The following TMEM143 variants were observed in gnomAD, a reference collection of about 807,000 sequenced individuals.
TMEM143 encodes transmembrane protein 143.
A neutral mutation model predicts 40.3 loss-of-function variants in TMEM143; 45 were observed. The ratio of observed to expected loss-of-function variants is 1.12; its 90% confidence interval spans 0.88 to 1.43. The LOEUF (loss-of-function observed/expected upper bound fraction) is 1.43. Ranked by LOEUF, TMEM143 falls within the 40% of genes most tolerant of loss-of-function variation. The probability of loss-of-function intolerance (pLI) is 0.00; values close to 1 mark genes in which losing one functional copy is unlikely to be tolerated. For missense variants in TMEM143, 620 were observed against 613.4 expected (o/e 1.01, Z -0.11); for synonymous variants, 299 against 282.7 (o/e 1.06, Z -0.58).
intron 6 of TMEM143, 34 bp from the exon 7 acceptor site, chr19:48,334,231 C>T (rs764237434): frequency 1.0e-4 from 161 of 1,554,440 alleles, no homozygotes; most frequent in Non-Finnish European, 1.3e-4. Context: ...GGGCTCAGTT[C>T]GGGGTGCGCC....
intron 6 of TMEM143, among the ~76,000 whole-genome samples, chr19:48,341,966 G>A (rs1969496562): frequency 6.6e-6 from 1 of 151,538 alleles, no homozygotes; most frequent in Non-Finnish European, 1.5e-5. Context: ...TTTTCCAGAT[G>A]AGAAAACTGA....
In TMEM143 at chr19:48,333,385, T is replaced by C; in HGVS notation, c.1214A>G (p.Lys405Arg). The change falls in exon 8 of 8, where the codon AAG (lysine) becomes AGG (arginine). Residue 405 changes from lysine (K) to arginine (R), a missense_variant. Lys to Arg is a conservative substitution (Grantham distance 26). Coordinates refer to ENST00000293261, the MANE Select transcript of TMEM143 (RefSeq NM_018273.4). The surrounding 1 kb of genome is among the most constrained non-coding windows in gnomAD (Gnocchi z 4.1). ...GTTGAAGGTCACCTCACAGCCTGAC[T>C]TGGCTAGGAGCCAGTTCTCCACCTC... ...RSEVENWLLAKSGCEVTFNGT... is the reference protein window; with the variant it reads ...RSEVENWLLARSGCEVTFNGT... 1 of 1,608,074 alleles carries C rather than the reference T, an allele frequency of 6.2e-7. No individual in the cohort carries two copies. The highest frequency in any genetic ancestry group is 8.5e-7 in the Non-Finnish European group (1 of 1,175,900).
At position 48,334,303 on chromosome 19, in the gene TMEM143, T is replaced by C. The variant is rs1429790355; in HGVS notation, c.976-106A>G. ...GCACGGCCCACGCCGCTTACTCCCC[T>C]GAGGAGGCGGGGAGGTCCTACCCAG... On this transcript the variant is annotated intron_variant, in intron 6 of 7. Transcript: ENST00000293261. 4.7e-6 allele frequency: 6 copies of C among 1,265,484 alleles called. No individual in the cohort carries two copies. In the Admixed American group the frequency reaches 7.3e-5, roughly 15 times the overall value. The allele number at this position is 1,265,484 out of a possible 1,614,324, so 78.4% of individuals were successfully genotyped here. A position where few individuals can be genotyped will look rare whatever the true frequency, so the allele number is the denominator to read the frequency against.
rs1427852489 is a variant in TMEM143, at chr19:48,342,745, A to C, written c.760T>G (p.Phe254Val). The C allele has an allele frequency of 2.5e-6, 4 of 1,613,830 alleles. No individual in the cohort carries two copies. Among genetic ancestry groups the C allele is most frequent in the Non-Finnish European group, 3.4e-6 (4 of 1,179,924 alleles). Residue 254 changes from phenylalanine (F) to valine (V), a missense_variant, in exon 6 of 8, where the codon TTC (phenylalanine) becomes GTC (valine). Transcript: ENST00000293261. Reference protein sequence around the residue: ...TKRGHLVLKSFKDTPLEGLEQ... With the variant: ...TKRGHLVLKSVKDTPLEGLEQ... Reference sequence around the variant, plus strand: ...AGGCCTTCCAGCGGCGTGTCCTTGAAACTCTTCAGTACCAGGTGTCCCCGT... The same window carrying C: ...AGGCCTTCCAGCGGCGTGTCCTTGACACTCTTCAGTACCAGGTGTCCCCGT...
chr19:48,360,385 G>A (rs1285200455), intron 2 of TMEM143: 8 of 497,986 alleles, frequency 1.6e-5, no homozygotes, highest in South Asian at 2.1e-5. Context: ...CAAGACCAGC[G>A]TGGCCAACAT....
chr19:48,353,731 C>T (rs1969823725), intron 3 of TMEM143, among the ~76,000 whole-genome samples: 1 of 151,584 alleles, frequency 6.6e-6, no homozygotes, highest in African/African-American at 2.4e-5. Flanking sequence ...TGAGATCATA[C>T]TAAATTAGGG....
rs548336252 is a variant in TMEM143 at position 48,333,160 on chromosome 19, C to A, written c.*59G>T. 22 of 1,285,624 alleles carry A rather than the reference C, an allele frequency of 1.7e-5. No individual in the cohort carries two copies. The highest frequency in any genetic ancestry group is 2.0e-5 in the South Asian group (1 of 50,366). 79.6% of individuals were successfully genotyped at this position (1,285,624 alleles called of 1,614,324 possible). A position where few individuals can be genotyped will look rare whatever the true frequency, so the allele number is the denominator to read the frequency against. On this transcript the variant is annotated 3_prime_UTR_variant, in exon 8 of 8. Transcript: ENST00000293261. This position sits in a 1 kb window ranked among gnomAD's most constrained non-coding sequence, Gnocchi z 4.1. Reference sequence around the variant, plus strand: ...ATAATAACCGTAATTGACAGCCTGTCGTGAAGGAGGCGGGGCTTAGTTCCT... The same window carrying A: ...ATAATAACCGTAATTGACAGCCTGTAGTGAAGGAGGCGGGGCTTAGTTCCT...
chr19:48,334,774 G>T (rs1600892841), intron 6 of TMEM143, among the ~76,000 whole-genome samples: 2 of 152,012 alleles, frequency 1.3e-5, no homozygotes. Context: ...GTAGAGACGG[G>T]ATTCTCCCTG....
intron 3 of TMEM143, 37 bp downstream of exon 3, chr19:48,360,035 A>G (rs749636407): frequency 1.2e-4 from 195 of 1,594,404 alleles, no homozygotes; most frequent in Non-Finnish European, 1.6e-4. Flanking sequence ...CGGATGCTCG[A>G]ACAAGCACCA....
chr19:48,333,297 C>A lies in TMEM143; in HGVS notation c.1302G>T (p.Pro434=), dbSNP rs201812476. 6.3e-7 allele frequency: 1 copy of A among 1,580,368 alleles called. No individual in the cohort carries two copies. The highest frequency in any genetic ancestry group is 1.8e-5 in the Admixed American group (1 of 56,748). ...CCACTGGGTCTAGTTTGGGGAAACC[C>A]GGGGGTGGGTACAATCCCATGCTGG... ...LTPSMGLYPP[P]GFPKLDPVAP... is the part of the protein sequence containing the mutation. The change falls in exon 8 of 8, where the codon CCG becomes CCT. Residue 434 remains proline, a synonymous_variant. Transcript: ENST00000293261. The surrounding 1 kb of genome is among the most constrained non-coding windows in gnomAD (Gnocchi z 4.1).
At chr19:48,349,460 G>A (rs1251548229) in intron 3 of TMEM143, among the ~76,000 whole-genome samples, 8 of 152,114 alleles carry the variant, frequency 5.3e-5, no homozygotes, top group Non-Finnish European at 1.0e-4. Flanking sequence ...CCTGAGCAAC[G>A]CGGTGAAACC....
intron 6 of TMEM143, among the ~76,000 whole-genome samples, chr19:48,341,677 T>C (rs1436830281): frequency 1.3e-5 from 2 of 152,182 alleles, no homozygotes; most frequent in Admixed American, 6.5e-5. Context: ...CCATCATCCC[T>C]ACTTTGCAGA....
At chr19:48,357,735 A>T (rs1321054619) in intron 3 of TMEM143, among the ~76,000 whole-genome samples, 3 of 152,120 alleles carry the variant, frequency 2.0e-5, no homozygotes, top group Non-Finnish European at 4.4e-5. Context: ...ACCATGGAAT[A>T]CTACTCAGCC....
chr19:48,363,188 C>G, intron 2 of TMEM143, 103 bp downstream of exon 2: 1 of 1,463,660 alleles, frequency 6.8e-7, no homozygotes, highest in South Asian at 1.4e-5. Flanking sequence ...CTACAACTCC[C>G]AGGAGGCGCC....
chr19:48,339,022 C>T (rs995684637), intron 6 of TMEM143, among the ~76,000 whole-genome samples: 2 of 152,094 alleles, frequency 1.3e-5, no homozygotes, highest in Non-Finnish European at 2.9e-5. Flanking sequence ...GGAGCTGAGG[C>T]GCAGATTCGA....
At chr19:48,363,563 G>A in intron 1 of TMEM143, 32 bp from the exon 2 acceptor site, 1 of 1,566,932 alleles carries the variant, frequency 6.4e-7, no homozygotes. Context: ...GGGGTCAAAG[G>A]CCATCTAGAG....
At chr19:48,362,460 G>T (rs993996822) in intron 2 of TMEM143, among the ~76,000 whole-genome samples, 5 of 152,132 alleles carry the variant, frequency 3.3e-5, no homozygotes, top group African/African-American at 4.8e-5. Context: ...GGAGGCAGAG[G>T]TTGCAGTGAG....
In TMEM143 at chr19:48,344,433, C is replaced by T. The variant is rs558537614; in HGVS notation, c.564+727G>A. 2.6e-5 allele frequency among the ~76,000 whole-genome samples: 4 copies of T among 151,972 alleles called. No individual in the cohort carries two copies. The South Asian group carries it at 8.3e-4, about 32-fold the overall frequency. ...CCTCCCGAGTAGCTGGGACTGCAGG[C>T]CCGCACCACCATATCCAACTAATTT... On this transcript the variant is annotated intron_variant, in intron 4 of 7. Coordinates refer to ENST00000293261, the MANE Select transcript of TMEM143 (RefSeq NM_018273.4).
chr19:48,333,426 G>A lies in TMEM143; in HGVS notation c.1173C>T (p.Ser391=). ...TCTCCACCTCCGACCGGAGCCACCT[G>A]GAGGTCTCTGCAAGGGGAGAGGCAG... The part of the protein sequence containing the change: ...GGTQGSPEET[S]RWLRSEVENW... The change falls in exon 8 of 8, where the codon TCC becomes TCT. Residue 391 remains serine (S), a synonymous_variant. Transcript: ENST00000293261. The surrounding 1 kb of genome is among the most constrained non-coding windows in gnomAD (Gnocchi z 4.1). 2 of 1,586,296 alleles carry A rather than the reference G, an allele frequency of 1.3e-6. No individual in the cohort carries two copies. Among genetic ancestry groups the A allele is most frequent in the Non-Finnish European group, 1.7e-6 (2 of 1,163,102 alleles).
Sources: allele counts gnomAD v4.1 joint callset (sites outside exome capture counted in the v4.1 genomes callset), GRCh38; gene constraint gnomAD v4.1.1; non-coding constraint Gnocchi (gnomAD v3.1); transcripts MANE v1.5; gene names NCBI Gene and HGNC (gene_info 2026-07-23, HGNC 2026-07-21).